Variants in UROC1 observed in about 807,000 individuals in gnomAD.
UROC1 encodes urocanate hydratase 1, also known as urocanate hydratase.
Under a neutral mutation model 89.5 loss-of-function variants are expected in UROC1, and 79 were observed. The observed-to-expected ratio is 0.88, with a 90% CI of 0.74 to 1.06. UROC1 has a LOEUF of 1.06. Among genes scored for constraint, UROC1 ranks in the 50% least tolerant of loss-of-function variants. The pLI is 0.00. For synonymous variants in UROC1, 361 were observed against 354.8 expected (o/e 1.02, Z -0.20); for missense variants, 885 against 907.8 (o/e 0.97, Z 0.32).
chr3:126,500,512 C>T (rs928031747), intron 11 of UROC1, among the ~76,000 whole-genome samples, 183 bp downstream of exon 11: 3 of 152,222 alleles, frequency 2.0e-5, no homozygotes, highest in Admixed American at 2.0e-4. Context: ...GCTTGTCCCC[C>T]TGCACTGCCG....
At chr3:126,495,612 G>C (rs2107539090) in intron 15 of UROC1, among the ~76,000 whole-genome samples, 2 of 152,314 alleles carry the variant, frequency 1.3e-5, no homozygotes, top group South Asian at 4.1e-4. Context: ...TGTGAACATG[G>C]GCGTGCAAGT....
At chr3:126,508,657 G>T (rs1483692773) in intron 3 of UROC1, among the ~76,000 whole-genome samples, 182 bp from the exon 4 acceptor site, 1 of 152,160 alleles carries the variant, frequency 6.6e-6, no homozygotes, top group African/African-American at 2.4e-5. Context: ...ACTGGAGCAA[G>T]GGTTCAGCTT....
rs760495204 is a variant in UROC1, at chr3:126,492,381, C to T, written c.1608+37G>A. 3 of 1,589,298 alleles carry T rather than the reference C, an allele frequency of 1.9e-6. No individual in the cohort carries two copies. In the South Asian group the frequency reaches 3.4e-5, roughly 18 times the overall value. ...AGGCAGGAAAGGCAGTGGGAAGAGG[C>T]TGAGGGATGCTTCCCCCAGAGCACA... On this transcript the variant is annotated intron_variant, in intron 16 of 19. Transcript: ENST00000290868.
Position 126,500,167 on chromosome 3 carries a change from A to C in UROC1, c.1146-13T>G, listed in dbSNP as rs777300239. The stretch of plus-strand genomic sequence containing the variant: ...TTGCCTCCTCAGGCTGCAACAAGCC[A>C]TGGGTCAGCACCACCGCTGTGAGGC... On this transcript the variant is annotated splice_polypyrimidine_tract_variant and intron_variant, in intron 11 of 19. Coordinates refer to ENST00000290868, the MANE Select transcript of UROC1 (RefSeq NM_144639.3). The C allele has an allele frequency of 3.7e-6, 6 of 1,613,066 alleles. No homozygotes were observed. The highest frequency in any genetic ancestry group is 5.1e-6 in the Non-Finnish European group (6 of 1,179,900).
At chr3:126,486,581 G>A (rs1002840432) in intron 18 of UROC1, among the ~76,000 whole-genome samples, 37 of 152,230 alleles carry the variant, frequency 2.4e-4, no homozygotes, top group Non-Finnish European at 4.9e-4. Flanking sequence ...GCACAGAGGA[G>A]GCTAGAAACA....
rs1338593079 is a variant in UROC1 at position 126,496,640 on chromosome 3, A to G, written c.1439-532T>C. On this transcript the variant is annotated intron_variant, in intron 14 of 19. Transcript: ENST00000290868. ...AGCTACCTGGCCAAGCTCACGGAGT[A>G]TGTGTGCATGTGAGAGGGCACAGGA... Among the ~76,000 whole-genome samples, 4 of 152,240 alleles carry G rather than the reference A, an allele frequency of 2.6e-5. No individual in the cohort carries two copies. In the East Asian group the frequency reaches 5.8e-4, roughly 22 times the overall value.
intron 18 of UROC1, 70 bp from the exon 19 acceptor site, chr3:126,483,538 T>A: frequency 6.8e-7 from 1 of 1,468,842 alleles, no homozygotes; most frequent in South Asian, 1.2e-5. Flanking sequence ...CAGAAGCCCA[T>A]GTTTTGGAAG....
chr3:126,490,432 A>G (rs989457317), intron 16 of UROC1, among the ~76,000 whole-genome samples: 1 of 152,142 alleles, frequency 6.6e-6, no homozygotes, highest in Admixed American at 6.5e-5. Context: ...CATTCTTGTA[A>G]TCGTAACACT....
intron 9 of UROC1, among the ~76,000 whole-genome samples, chr3:126,503,242 T>C (rs1935978709): frequency 6.6e-6 from 1 of 152,228 alleles, no homozygotes; most frequent in South Asian, 2.1e-4. Flanking sequence ...CACTGCATCG[T>C]TTCTCAAATT....
chr3:126,501,923 CT>C (rs1935932580), intron 9 of UROC1: 1 of 1,597,534 alleles, frequency 6.3e-7, no homozygotes, highest in South Asian at 1.1e-5. Context: ...CAGCCCAGGG[CT>C]TGTTGCAATC....
In UROC1 at chr3:126,498,148, C is replaced by A; in HGVS notation, c.1341G>T (p.Gly447=). 1 of 1,614,226 alleles carries A rather than the reference C, an allele frequency of 6.2e-7. No homozygotes were observed. The highest frequency in any genetic ancestry group is 8.5e-7 in the Non-Finnish European group (1 of 1,180,032). ...IMGDIFSQGF[G]PFRWVCTSGD... Reference sequence around the variant, plus strand: ...CCGATGTGCACACCCAGCGGAAAGGCCCAAATCCCTGGGAGAATATGTCCC... The same window carrying A: ...CCGATGTGCACACCCAGCGGAAAGGACCAAATCCCTGGGAGAATATGTCCC... The change falls in exon 14 of 20, where the codon GGG becomes GGT. Residue 447 remains glycine (G), a synonymous_variant. Transcript: ENST00000290868.
rs150770424 is a variant in UROC1, at chr3:126,488,205, C to T, written c.1783G>A (p.Val595Met). The change falls in exon 18 of 20, where the codon GTG becomes ATG. Residue 595 changes from valine to methionine, a missense_variant. Val to Met is a conservative substitution (Grantham distance 21). Transcript: ENST00000290868. ...CCTCTGAAACCTTCTTACCAGCCCACGCCCCCTCCGTTGTGAAGGGCGACC... is the reference window on the plus strand; with the variant it reads ...CCTCTGAAACCTTCTTACCAGCCCATGCCCCCTCCGTTGTGAAGGGCGACC... ...TWVALHNGGGVGWGEVINGGF... is the reference protein window; with the variant it reads ...TWVALHNGGGMGWGEVINGGF... 145 of 1,614,218 alleles carry T rather than the reference C, an allele frequency of 9.0e-5. No homozygotes were observed. In the African/African-American group the frequency reaches 1.3e-3, roughly 14 times the overall value.
chr3:126,508,281 C>T (rs1407255447), intron 4 of UROC1, 135 bp downstream of exon 4: 1 of 1,380,016 alleles, frequency 7.2e-7, no homozygotes, highest in Admixed American at 1.8e-5. Flanking sequence ...CCCACACAAT[C>T]TCCAATGCTG....
In UROC1 at chr3:126,498,168, T is replaced by C. The variant is rs1463279863; in HGVS notation, c.1321A>G (p.Ile441Val). 4.3e-6 allele frequency: 7 copies of C among 1,614,040 alleles called. No individual in the cohort carries two copies. The East Asian group carries it at 1.1e-4, about 26-fold the overall frequency. The change falls in exon 14 of 20, where the codon ATA becomes GTA. Residue 441 changes from isoleucine (I) to valine (V), a missense_variant. By Grantham distance (29) the Ile-to-Val change is conservative. Coordinates refer to ENST00000290868, the MANE Select transcript of UROC1 (RefSeq NM_144639.3). Reference sequence around the variant, plus strand: ...AAAGGCCCAAATCCCTGGGAGAATATGTCCCTGCAAGCACAGATGCCTCCT... The same window carrying C: ...AAAGGCCCAAATCCCTGGGAGAATACGTCCCTGCAAGCACAGATGCCTCCT... The part of the protein sequence containing the change: ...PSYVQHIMGD[I>V]FSQGFGPFRW...
intron 10 of UROC1, 139 bp downstream of exon 10, chr3:126,501,079 G>T: frequency 8.4e-7 from 1 of 1,188,972 alleles, no homozygotes; most frequent in Non-Finnish European, 1.3e-6. Context: ...CTTGGGTAAG[G>T]GTGTGGGCCA....
chr3:126,499,334 C>T lies in UROC1; in HGVS notation c.1316+3G>A. The stretch of plus-strand genomic sequence containing the variant: ...CTAGATGTGGCAGCCGCCCATCACT[C>T]ACCCCATGATGTGCTGCACATAGGA... On this transcript the variant is annotated splice_donor_region_variant and intron_variant, in intron 13 of 19. Transcript: ENST00000290868. 1 of 1,610,910 alleles carries T rather than the reference C, an allele frequency of 6.2e-7. No homozygotes were observed. Among genetic ancestry groups the T allele is most frequent in the Non-Finnish European group, 8.5e-7 (1 of 1,179,442 alleles).
intron 1 of UROC1, among the ~76,000 whole-genome samples, chr3:126,515,215 C>A (rs1427799420): frequency 1.3e-5 from 2 of 152,054 alleles, no homozygotes; most frequent in Admixed American, 6.5e-5. Flanking sequence ...GGCCGCAGGG[C>A]CCTCCCTGAG....
rs729456 is a variant in UROC1 at position 126,509,567 on chromosome 3, G to A, written c.351+18C>T. 0.56 allele frequency: 868,978 copies of A among 1,548,006 alleles called. 251,553 individuals are homozygous for A. Among genetic ancestry groups the A allele is most frequent in the East Asian group, 0.6 (24,516 of 40,880 alleles). ...TTTCTGCTGGACAGTGCTGGGCCTCGGTTTCCCTGGCTATTACCTGGGCCA... is the reference window on the plus strand; with the variant it reads ...TTTCTGCTGGACAGTGCTGGGCCTCAGTTTCCCTGGCTATTACCTGGGCCA... On this transcript the variant is annotated intron_variant, in intron 3 of 19. Coordinates refer to ENST00000290868, the MANE Select transcript of UROC1 (RefSeq NM_144639.3).
intron 4 of UROC1, 65 bp downstream of exon 4, chr3:126,508,351 T>C: frequency 1.3e-6 from 2 of 1,538,806 alleles, no homozygotes; most frequent in South Asian, 1.1e-5. Flanking sequence ...TGTAAGCTCC[T>C]AGGCCAGAGG....
Sources: allele counts gnomAD v4.1 joint callset (sites outside exome capture counted in the v4.1 genomes callset), GRCh38; gene constraint gnomAD v4.1.1; transcripts MANE v1.5; gene names NCBI Gene and HGNC (gene_info 2026-07-23, HGNC 2026-07-21).